The following SEPTIN6 variants were observed in gnomAD, a reference collection of about 807,000 sequenced individuals.
The protein encoded by SEPTIN6 is septin 6.
Under a neutral mutation model 33.6 loss-of-function variants are expected in SEPTIN6, and 8 were observed. The ratio of observed to expected loss-of-function variants is 0.24; its 90% CI spans 0.14 to 0.43. The LOEUF (loss-of-function observed/expected upper bound fraction) is 0.43, where lower values mean the gene tolerates loss of function less well. SEPTIN6 is among the 20% of genes least tolerant of loss of function. SEPTIN6 has a pLI of 1.00. For missense variants in SEPTIN6, 250 were observed against 340.8 expected, an observed-to-expected ratio of 0.73 and a Z score of 2.10; for synonymous variants, 131 against 140.0, an observed-to-expected ratio of 0.94 and a Z score of 0.45.
At chrX:119,646,294 T>C (rs1398711570) in intron 5 of SEPTIN6, among the ~76,000 whole-genome samples, 1 of 111,410 alleles carries the variant, frequency 9.0e-6, no homozygotes, top group Non-Finnish European at 1.9e-5. Flanking sequence ...GGTCTTCCTA[T>C]GACCCTACTG....
At chrX:119,671,492 G>T (rs1235607660) in intron 2 of SEPTIN6, among the ~76,000 whole-genome samples, 9 of 109,517 alleles carry the variant, frequency 8.2e-5, no homozygotes, top group Non-Finnish European at 1.1e-4. Context: ...GTTTCACCGT[G>T]TTAGCCAGGA....
At chrX:119,669,268 A>G (rs1211063289) in intron 2 of SEPTIN6, among the ~76,000 whole-genome samples, 1 of 112,936 alleles carries the variant, frequency 8.9e-6, no homozygotes, top group Non-Finnish European at 1.9e-5. Context: ...TTCAACGAGT[A>G]TTTACAAAGA....
chrX:119,667,224 C>T (rs1202361118), intron 2 of SEPTIN6, among the ~76,000 whole-genome samples: 1 of 108,672 alleles, frequency 9.2e-6, no homozygotes, highest in African/African-American at 3.3e-5. Flanking sequence ...TAAGAATTCT[C>T]AGAGAGCAGG....
In SEPTIN6 at chrX:119,668,338, G is replaced by GAA. The variant is rs201661655; in HGVS notation, c.146-4662_146-4661insTT. ...AGAGAGAGAGAGAGAGAGAGACAGAGAGAGAGACAGAGAAAGAAAAAGAAA... is the reference window on the plus strand; with the variant it reads ...AGAGAGAGAGAGAGAGAGAGACAGAGAAAGAGAGACAGAGAAAGAAAAAGAAA... On this transcript the variant is annotated intron_variant, in intron 2 of 10. Transcript: ENST00000394610. 1.0e-3 allele frequency among the ~76,000 whole-genome samples: 113 copies of GAA among 109,739 alleles called. 3 individuals carry two copies. The highest frequency in any genetic ancestry group is 2.4e-3 in the African/African-American group (72 of 29,877).
At position 119,640,796 on chromosome X, in the gene SEPTIN6, C is replaced by T. The variant is rs2054148208; in HGVS notation, c.691-8G>A. On this transcript the variant is annotated splice_region_variant and splice_polypyrimidine_tract_variant and intron_variant, in intron 5 of 10. Coordinates refer to ENST00000394610, the MANE Select transcript of SEPTIN6 (RefSeq NM_145799.4). ...AGCAAACGGCAGGTGGGCCTGAAAC[C>T]GAAGGCAAACGAAAGCTGAGAACTG... 8.4e-7 allele frequency: 1 copy of T among 1,185,759 alleles called. No individual in the cohort carries two copies. The highest frequency in any genetic ancestry group is 1.1e-6 in the Non-Finnish European group (1 of 872,508).
At chrX:119,616,486 C>G (rs750753839), downstream of SEPTIN6, 1 of 497,924 alleles carries the variant, frequency 2.0e-6, no homozygotes. Context: ...TCTGATGGTT[C>G]TTTTCCTGCC....
intron 1 of SEPTIN6, among the ~76,000 whole-genome samples, chrX:119,683,341 C>T (rs2054997984): frequency 8.9e-6 from 1 of 112,396 alleles, no homozygotes; most frequent in South Asian, 3.6e-4. Context: ...TACTGGTGGG[C>T]CCAAGCTCTC....
At chrX:119,620,398 A>G (rs2053731043) in intron 10 of SEPTIN6, among the ~76,000 whole-genome samples, 1 of 99,172 alleles carries the variant, frequency 1.0e-5, no homozygotes, top group South Asian at 4.7e-4. Flanking sequence ...GGCTCGCTGC[A>G]AGCTCTGCCT....
chrX:119,641,884 T>A (rs1201229745), intron 5 of SEPTIN6, among the ~76,000 whole-genome samples: 1 of 113,009 alleles, frequency 8.8e-6, no homozygotes, highest in Non-Finnish European at 1.9e-5. Flanking sequence ...GGGGAAAGTT[T>A]CTTAGCCTGC....
At chrX:119,670,936 C>T (rs1212324176) in intron 2 of SEPTIN6, among the ~76,000 whole-genome samples, 3 of 89,464 alleles carry the variant, frequency 3.4e-5, no homozygotes, top group African/African-American at 1.2e-4. Context: ...GAAACTCCAT[C>T]TCAAAAAAAA....
intron 1 of SEPTIN6, among the ~76,000 whole-genome samples, chrX:119,690,887 C>G (rs977050901): frequency 9.0e-6 from 1 of 110,578 alleles, no homozygotes; most frequent in Non-Finnish European, 1.9e-5. Context: ...TGGTGAATTA[C>G]AACTTATTGC....
Position 119,690,674 on chromosome X carries a change from G to A in SEPTIN6, c.30+2402C>T, listed in dbSNP as rs1339423483. Among the ~76,000 whole-genome samples the A allele has an allele frequency of 9.1e-5, 8 of 87,776 alleles. No homozygotes were observed. The East Asian group carries it at 1.6e-3, about 17-fold the overall frequency. The allele number at this position is 87,776 out of a possible 115,157, so 76.2% of individuals were successfully genotyped here. ...GGAGGCTGAGGTTGCAGTGAGCCGA[G>A]ATCATGCCACTTGCACTCCAGCCTG... On this transcript the variant is annotated intron_variant, in intron 1 of 10. Transcript: ENST00000394610.
chrX:119,641,327 G>A (rs2054156891), intron 5 of SEPTIN6, among the ~76,000 whole-genome samples: 1 of 111,704 alleles, frequency 9.0e-6, no homozygotes, highest in African/African-American at 3.3e-5. Flanking sequence ...TTGAACTTGT[G>A]AGCCTAGAAG....
chrX:119,618,860 C>CA lies in SEPTIN6; in HGVS notation c.*1232dup. 1 of 1,200,189 alleles carries CA rather than the reference C, an allele frequency of 8.3e-7. No homozygotes were observed. Among genetic ancestry groups the CA allele is most frequent in the South Asian group, 1.8e-5 (1 of 54,369 alleles). ...AGGTCAACTCCATCTCTCACACTGT[C>CA]ACTGGCCAAACACCAAAGGCCACTG... On this transcript the variant is annotated 3_prime_UTR_variant, in exon 11 of 11. Transcript: ENST00000394610.
chrX:119,671,388 C>A (rs1391522347), intron 2 of SEPTIN6, among the ~76,000 whole-genome samples: 2 of 108,082 alleles, frequency 1.9e-5, no homozygotes, highest in East Asian at 3.0e-4. Context: ...CCCGGGTTCA[C>A]GCCATTCTCC....
chrX:119,689,280 A>G (rs1003022595), intron 1 of SEPTIN6, among the ~76,000 whole-genome samples: 3 of 111,971 alleles, frequency 2.7e-5, no homozygotes, highest in Non-Finnish European at 5.6e-5. Flanking sequence ...GAGCCAGCAC[A>G]TGCAGCTTTT....
chrX:119,660,090 G>A (rs1394157637), intron 3 of SEPTIN6, among the ~76,000 whole-genome samples: 2 of 111,976 alleles, frequency 1.8e-5, no homozygotes, highest in East Asian at 5.6e-4. Context: ...GGCCAGGCTG[G>A]TCTTGAACTC....
intron 2 of SEPTIN6, among the ~76,000 whole-genome samples, chrX:119,667,137 C>T (rs1168986384): frequency 9.0e-6 from 1 of 110,785 alleles, no homozygotes; most frequent in Non-Finnish European, 1.9e-5. Context: ...AGCTCCCTGC[C>T]GAATGCCCTG....
intron 7 of SEPTIN6, among the ~76,000 whole-genome samples, chrX:119,635,689 G>C (rs960668542): frequency 9.0e-6 from 1 of 111,491 alleles, no homozygotes; most frequent in Non-Finnish European, 1.9e-5. Flanking sequence ...TTGGAGAGAG[G>C]CATTTGAGTG....
Sources: allele counts gnomAD v4.1 joint callset (sites outside exome capture counted in the v4.1 genomes callset), GRCh38; gene constraint gnomAD v4.1.1; transcripts MANE v1.5; gene names NCBI Gene and HGNC (gene_info 2026-07-23, HGNC 2026-07-21).